Variants in HDAC8 observed in about 807,000 individuals in gnomAD.
The protein encoded by HDAC8 is histone deacetylase 8.
HDAC8 carries 1 observed loss-of-function variant against 32.2 expected under a neutral mutation model. That is an observed-to-expected ratio of 0.03 (90% CI 0.01 to 0.15). HDAC8 has a LOEUF of 0.15. Among genes scored for constraint, HDAC8 ranks in the 10% least tolerant of loss-of-function variants. HDAC8 has a pLI of 1.00. For synonymous variants in HDAC8, 108 were observed against 113.9 expected (o/e 0.95, Z 0.33); for missense variants, 117 against 300.0 (o/e 0.39, Z 4.51).
chrX:72,532,477 T>TC (rs1316529930), intron 4 of HDAC8, among the ~76,000 whole-genome samples: 1 of 104,805 alleles, frequency 9.5e-6, no homozygotes, highest in Non-Finnish European at 1.9e-5. Context: ...TAGTGTCTTT[T>TC]TTTTTTTTTT....
chrX:72,424,606 G>A (rs1200684074), intron 9 of HDAC8, among the ~76,000 whole-genome samples: 3 of 111,521 alleles, frequency 2.7e-5, no homozygotes, highest in Non-Finnish European at 5.7e-5. Flanking sequence ...GTACAGTTCA[G>A]TGGTATTAAG....
chrX:72,495,363 A>G lies in HDAC8; in HGVS notation c.438-95T>C. On this transcript the variant is annotated intron_variant, in intron 4 of 10. Coordinates refer to ENST00000373573, the MANE Select transcript of HDAC8 (RefSeq NM_018486.3). Reference sequence around the variant, plus strand: ...CTAACCCTTGAGATCTAGTCCCCTAAAGTTCCCCCTTCTTTTAAGAAAAAC... The same window carrying G: ...CTAACCCTTGAGATCTAGTCCCCTAGAGTTCCCCCTTCTTTTAAGAAAAAC... The G allele has an allele frequency of 1.3e-5, 6 of 457,792 alleles. No homozygotes were observed. The South Asian group carries it at 2.8e-4, about 22-fold the overall frequency. The allele number at this position is 457,792 out of a possible 1,213,427, so 37.7% of individuals were successfully genotyped here. A position where few individuals can be genotyped will look rare whatever the true frequency, so the allele number is the denominator to read the frequency against.
At chrX:72,436,165 G>A (rs782421490) in intron 9 of HDAC8, among the ~76,000 whole-genome samples, 8 of 111,351 alleles carry the variant, frequency 7.2e-5, no homozygotes, top group Non-Finnish European at 5.6e-5. Context: ...CAAAGAAATG[G>A]CTGAAACTTC....
At chrX:72,484,429 C>T (rs1006193476) in intron 7 of HDAC8, among the ~76,000 whole-genome samples, 5 of 111,705 alleles carry the variant, frequency 4.5e-5, no homozygotes, top group African/African-American at 1.3e-4. Context: ...AATGTATCTT[C>T]CTTTTGGTGA....
At position 72,532,311 on chromosome X, in the gene HDAC8, C is replaced by T. The variant is rs782279330; in HGVS notation, c.437+35578G>A. Among the ~76,000 whole-genome samples the T allele has an allele frequency of 3.6e-5, 3 of 82,241 alleles. No individual in the cohort carries two copies. The South Asian group carries it at 2.3e-3, about 64-fold the overall frequency. The allele number at this position is 82,241 out of a possible 115,157, so 71.4% of individuals were successfully genotyped here. On this transcript the variant is annotated intron_variant, in intron 4 of 10. Coordinates refer to ENST00000373573, the MANE Select transcript of HDAC8 (RefSeq NM_018486.3). The stretch of plus-strand genomic sequence containing the variant: ...TTCCTGCTATGTTGCTCAGGCTGGT[C>T]TCAAACTCCTGGTCTCAAGCAATCC...
At chrX:72,390,237 G>A (rs1360536513) in intron 9 of HDAC8, among the ~76,000 whole-genome samples, 1 of 111,311 alleles carries the variant, frequency 9.0e-6, no homozygotes, top group African/African-American at 3.3e-5. Context: ...GCTGACTATA[G>A]TCACCCTGTT....
At chrX:72,419,921 C>T (rs1011526948) in intron 9 of HDAC8, among the ~76,000 whole-genome samples, 8 of 111,274 alleles carry the variant, frequency 7.2e-5, no homozygotes, top group East Asian at 2.8e-4. Context: ...GATTTTATTA[C>T]GTTAAATGAA....
intron 9 of HDAC8, among the ~76,000 whole-genome samples, chrX:72,421,576 T>C (rs1417801710): frequency 8.9e-6 from 1 of 112,918 alleles, no homozygotes; most frequent in Non-Finnish European, 1.9e-5. Flanking sequence ...CTGCTTTCTT[T>C]ATGTTGTTGT....
chrX:72,449,535 C>A (rs781814460), intron 9 of HDAC8, among the ~76,000 whole-genome samples: 1 of 110,102 alleles, frequency 9.1e-6, no homozygotes, highest in African/African-American at 3.3e-5. Context: ...TGTAACCAAC[C>A]TGCACGTTCT....
intron 4 of HDAC8, among the ~76,000 whole-genome samples, chrX:72,548,680 TTC>T (rs376266129): frequency 0.082 from 8,606 of 104,829 alleles, 850 homozygotes; most frequent in African/African-American, 0.27. Flanking sequence ...ACCATTTCTC[TTC>T]TCTCTCTCTC....
intron 9 of HDAC8, among the ~76,000 whole-genome samples, chrX:72,420,739 A>G (rs1555973300): frequency 1.8e-5 from 2 of 111,900 alleles, no homozygotes; most frequent in Non-Finnish European, 3.8e-5. Context: ...CTTTTATAAC[A>G]TTTGTTGACT....
At chrX:72,572,534 C>A in intron 1 of HDAC8, 117 bp downstream of exon 1, 1 of 531,448 alleles carries the variant, frequency 1.9e-6, no homozygotes, top group Admixed American at 3.9e-5. Context: ...TACAGCTACT[C>A]GAAATTTCTG....
chrX:72,441,097 C>G (rs1408896881), intron 9 of HDAC8, among the ~76,000 whole-genome samples: 1 of 113,065 alleles, frequency 8.8e-6, no homozygotes, highest in Non-Finnish European at 1.9e-5. Context: ...GGCTCCACCT[C>G]CGGGGGCAGG....
At chrX:72,361,867 T>C (rs782143597) in intron 9 of HDAC8, among the ~76,000 whole-genome samples, 1 of 111,809 alleles carries the variant, frequency 8.9e-6, no homozygotes, top group Non-Finnish European at 1.9e-5. Context: ...TGCCCTCACA[T>C]GTGGGGGGCA....
intron 4 of HDAC8, among the ~76,000 whole-genome samples, chrX:72,558,012 A>G (rs782001166): frequency 8.9e-6 from 1 of 111,783 alleles, no homozygotes; most frequent in East Asian, 2.8e-4. Flanking sequence ...GGAAATATAC[A>G]ACCCTCCTAC....
At position 72,571,553 on chromosome X, in the gene HDAC8, CTTTTTTTTTTTTTTTTTT is replaced by C. The variant is rs782331910; in HGVS notation, c.164+486_164+503del. Among the ~76,000 whole-genome samples the C allele has an allele frequency of 3.0e-4, 9 of 30,449 alleles. No homozygotes were observed. In the Admixed American group the frequency reaches 4.1e-3, roughly 14 times the overall value. The allele number at this position is 30,449 out of a possible 115,157, so 26.4% of individuals were successfully genotyped here. A position where few individuals can be genotyped will look rare whatever the true frequency, so the allele number is the denominator to read the frequency against. On this transcript the variant is annotated intron_variant, in intron 2 of 10. Transcript: ENST00000373573. ...TTCTTTTCTTTTTCTTTCTTTCTTT[CTTTTTTTTTTTTTTTTTT>C]TTTTTTTTTTTTGAGACGGAGTTTC...
rs1039761250 is a variant in HDAC8, at chrX:72,537,156, C to T, written c.437+30733G>A. ...TAGTTTTGGCCTCATTAGCACTATACTCTAACTTTCTGAGCTAACTAACTA... is the reference window on the plus strand; with the variant it reads ...TAGTTTTGGCCTCATTAGCACTATATTCTAACTTTCTGAGCTAACTAACTA... On this transcript the variant is annotated intron_variant, in intron 4 of 10. Transcript: ENST00000373573. Among the ~76,000 whole-genome samples the T allele has an allele frequency of 2.7e-5, 3 of 111,924 alleles. No individual in the cohort carries two copies. In the East Asian group the frequency reaches 8.4e-4, roughly 31 times the overall value.
chrX:72,455,214 C>G (rs1174236714), intron 9 of HDAC8, among the ~76,000 whole-genome samples: 2 of 111,971 alleles, frequency 1.8e-5, no homozygotes, highest in Non-Finnish European at 3.8e-5. Flanking sequence ...ACTGCAGATA[C>G]TATGGTACAA....
At chrX:72,393,723 G>A (rs2045678389) in intron 9 of HDAC8, among the ~76,000 whole-genome samples, 1 of 111,723 alleles carries the variant, frequency 9.0e-6, no homozygotes, top group African/African-American at 3.3e-5. Context: ...ACTCCCCGAT[G>A]CCCTGGTATT....
Sources: gnomAD v4.1 joint callset for allele counts (sites outside exome capture counted in the v4.1 genomes callset) on GRCh38, gnomAD v4.1.1 for gene constraint, MANE v1.5 for transcripts, NCBI Gene and HGNC (gene_info 2026-07-23, HGNC 2026-07-21) for gene names.